The following RYR3 variants were observed in gnomAD, a reference collection of about 807,000 sequenced individuals.
The protein encoded by RYR3 is ryanodine receptor 3, also known as brain ryanodine receptor-calcium release channel.
A neutral mutation model predicts 584.3 loss-of-function variants in RYR3; 207 were observed. The ratio of observed to expected loss-of-function variants is 0.35; its 90% CI spans 0.32 to 0.40. The LOEUF is 0.40. RYR3 is among the 10% of genes least tolerant of loss of function. The pLI, the probability that RYR3 is intolerant of heterozygous loss-of-function variation, is 1.00. For missense variants in RYR3, 5,616 were observed against 6,089.2 expected (o/e 0.92, Z 2.59); for synonymous variants, 2,416 against 2,248.5 (o/e 1.07, Z -2.11).
chr15:33,854,947 T>C (rs2079487537), intron 98 of RYR3, 35 bp downstream of exon 98: 3 of 1,579,104 alleles, frequency 1.9e-6, no homozygotes, highest in Admixed American at 3.7e-5. Context: ...AGAATGGACC[T>C]GTATATGCAC....
At chr15:33,824,597 A>G (rs1350593365) in intron 81 of RYR3, among the ~76,000 whole-genome samples, 3 of 152,236 alleles carry the variant, frequency 2.0e-5, no homozygotes. Flanking sequence ...AAATGGCAAT[A>G]GAGATTTCAC....
intron 43 of RYR3, among the ~76,000 whole-genome samples, chr15:33,721,823 A>G (rs1359676446): frequency 6.6e-6 from 1 of 152,066 alleles, no homozygotes; most frequent in Non-Finnish European, 1.5e-5. Flanking sequence ...GAATATATGT[A>G]TTGGCTCTAA....
In RYR3 at chr15:33,854,933, G is replaced by A. The variant is rs1175956286; in HGVS notation, c.14007+21G>A. 6 of 1,599,172 alleles carry A rather than the reference G, an allele frequency of 3.8e-6. No individual in the cohort carries two copies. In the African/African-American group the frequency reaches 6.7e-5, roughly 18 times the overall value. On this transcript the variant is annotated intron_variant, in intron 98 of 103. Transcript: ENST00000634891. ...AACAGGTATGGTTTCTACTGATGCA[G>A]AACAGAATGGACCTGTATATGCACA...
At chr15:33,758,952 G>A (rs1372359198) in intron 60 of RYR3, among the ~76,000 whole-genome samples, 1 of 152,226 alleles carries the variant, frequency 6.6e-6, no homozygotes, top group Non-Finnish European at 1.5e-5. Context: ...GAAGGAGAAA[G>A]CAGCAATCTT....
At chr15:33,814,435 GTAAA>G (rs759040129) in intron 74 of RYR3, among the ~76,000 whole-genome samples, 88 of 152,336 alleles carry the variant, frequency 5.8e-4, no homozygotes, top group Admixed American at 1.2e-3. Flanking sequence ...TGAAGCTTAT[GTAAA>G]TAAATGTGTT....
chr15:33,460,111 T>C (rs1323373413), intron 1 of RYR3, among the ~76,000 whole-genome samples: 1 of 152,176 alleles, frequency 6.6e-6, no homozygotes, highest in Admixed American at 6.5e-5. Flanking sequence ...CTCCAGAAAT[T>C]TTAATGGCAG....
intron 12 of RYR3, among the ~76,000 whole-genome samples, chr15:33,572,428 CT>C (rs2058071687): frequency 6.6e-6 from 1 of 151,604 alleles, no homozygotes; most frequent in South Asian, 2.1e-4. Context: ...GTTTAGAGTT[CT>C]ATCCTGGATT....
chr15:33,724,714 C>T (rs923609834), intron 45 of RYR3, among the ~76,000 whole-genome samples: 8 of 152,106 alleles, frequency 5.3e-5, no homozygotes, highest in Admixed American at 5.2e-4. Flanking sequence ...TTCACCTCTA[C>T]TGAGGGCTGA....
intron 1 of RYR3, among the ~76,000 whole-genome samples, chr15:33,434,146 G>T (rs1249809135): frequency 6.6e-6 from 1 of 152,238 alleles, no homozygotes; most frequent in African/African-American, 2.4e-5. Context: ...AATAGTTGAT[G>T]ATATCATCAA....
intron 1 of RYR3, among the ~76,000 whole-genome samples, chr15:33,444,159 T>A (rs1474860138): frequency 6.6e-6 from 1 of 152,178 alleles, no homozygotes; most frequent in Non-Finnish European, 1.5e-5. Context: ...ATGGGTTCCC[T>A]GTGGGGTTCG....
intron 14 of RYR3, among the ~76,000 whole-genome samples, chr15:33,583,832 ACT>A (rs2058708397): frequency 6.6e-6 from 1 of 152,126 alleles, no homozygotes; most frequent in Admixed American, 6.5e-5. Context: ...CAGGTGGATC[ACT>A]TGAGGTCAGG....
intron 87 of RYR3, among the ~76,000 whole-genome samples, chr15:33,836,122 C>CTTT (rs11364460): frequency 2.1e-4 from 30 of 140,434 alleles, no homozygotes; most frequent in African/African-American, 7.7e-4. Context: ...TTTTTGGTTT[C>CTTT]TTTTTTTTTT....
chr15:33,630,633 C>G (rs2061218135), intron 22 of RYR3, among the ~76,000 whole-genome samples: 1 of 152,152 alleles, frequency 6.6e-6, no homozygotes, highest in African/African-American at 2.4e-5. Context: ...CATGGGATAC[C>G]TTCAATTACA....
chr15:33,589,987 C>G (rs767552933), intron 16 of RYR3, among the ~76,000 whole-genome samples: 2 of 151,404 alleles, frequency 1.3e-5, no homozygotes, highest in African/African-American at 4.9e-5. Flanking sequence ...GGGCTAAGTT[C>G]GAAAAGAGAG....
chr15:33,741,708 G>A (rs1479976531), intron 51 of RYR3, among the ~76,000 whole-genome samples: 1 of 152,114 alleles, frequency 6.6e-6, no homozygotes, highest in Non-Finnish European at 1.5e-5. Flanking sequence ...CCACCTCCTG[G>A]GTTCACGTCA....
At chr15:33,796,802 T>A (rs530306659) in intron 67 of RYR3, among the ~76,000 whole-genome samples, 37 of 152,226 alleles carry the variant, frequency 2.4e-4, no homozygotes, top group Admixed American at 9.2e-4. Flanking sequence ...CTTGCACTCA[T>A]ATGTTTATTG....
rs564219394 is a variant in RYR3, at chr15:33,439,201, A to G, written c.52-34218A>G. Among the ~76,000 whole-genome samples the G allele has an allele frequency of 9.2e-5, 14 of 152,268 alleles. 1 individual carries two copies. In the South Asian group the frequency reaches 2.9e-3, roughly 32 times the overall value. On this transcript the variant is annotated intron_variant, in intron 1 of 103. Coordinates refer to ENST00000634891, the MANE Select transcript of RYR3 (RefSeq NM_001036.6). ...ATCTTGGAACTAGCCATCTTGTAAA[A>G]TTCTTAATATTTTATCTTTGGGTTT... is the stretch of plus-strand genomic sequence containing the variant.
intron 44 of RYR3, among the ~76,000 whole-genome samples, chr15:33,723,256 C>G (rs1465736723): frequency 6.6e-6 from 1 of 152,250 alleles, no homozygotes; most frequent in Non-Finnish European, 1.5e-5. Context: ...CCCACGGTGT[C>G]TCGTCCCATA....
In RYR3 at chr15:33,580,067, G is replaced by A; in HGVS notation, c.1360G>A (p.Glu454Lys). 6.2e-7 allele frequency: 1 copy of A among 1,613,770 alleles called. No homozygotes were observed. The highest frequency in any genetic ancestry group is 8.5e-7 in the Non-Finnish European group (1 of 1,179,798). ...QDLIAYFQPP[E>K]EEMRHEDKQN... ...CTTGATCGCCTACTTCCAGCCCCCA[G>A]AGGAGGAGATGCGACATGAAGACAA... is the stretch of plus-strand genomic sequence containing the variant. Residue 454 changes from glutamate to lysine, a missense_variant, in exon 13 of 104, where the codon GAG (glutamate) becomes AAG (lysine). Coordinates refer to ENST00000634891, the MANE Select transcript of RYR3 (RefSeq NM_001036.6).
Sources: gnomAD v4.1 joint callset for allele counts (sites outside exome capture counted in the v4.1 genomes callset) on GRCh38, gnomAD v4.1.1 for gene constraint, MANE v1.5 for transcripts, NCBI Gene and HGNC (gene_info 2026-07-23, HGNC 2026-07-21) for gene names.